The following MEMO1 variants were observed in gnomAD, a reference collection of about 807,000 sequenced individuals.
MEMO1 encodes the protein protein MEMO1.
A neutral mutation model predicts 45.2 loss-of-function variants in MEMO1; 6 were observed. The ratio of observed to expected loss-of-function variants is 0.13; its 90% CI spans 0.07 to 0.26. The LOEUF is 0.26. Among genes scored for constraint, MEMO1 ranks in the 10% least tolerant of loss-of-function variants. The pLI is 1.00. For synonymous variants in MEMO1, 78 were observed against 124.3 expected, an observed-to-expected ratio of 0.63 and a Z score of 2.48; for missense variants, 184 against 370.5, an observed-to-expected ratio of 0.50 and a Z score of 4.13.
At chr2:31,907,380 C>T (rs984281772) in intron 6 of MEMO1, among the ~76,000 whole-genome samples, 1 of 152,138 alleles carries the variant, frequency 6.6e-6, no homozygotes, top group Non-Finnish European at 1.5e-5. Flanking sequence ...CATCCTTAAA[C>T]ATAGATTAGT....
At chr2:32,008,060 T>C (rs866749349) in intron 2 of MEMO1, among the ~76,000 whole-genome samples, 2 of 152,356 alleles carry the variant, frequency 1.3e-5, no homozygotes, top group Middle Eastern at 3.4e-3. Context: ...AAGAATATAC[T>C]TAGAATTTTT....
At chr2:31,967,808 T>C (rs1668814318) in intron 2 of MEMO1, among the ~76,000 whole-genome samples, 1 of 152,174 alleles carries the variant, frequency 6.6e-6, no homozygotes, top group South Asian at 2.1e-4. Context: ...TTGTGTTTAG[T>C]GGGAGGTTTT....
intron 2 of MEMO1, among the ~76,000 whole-genome samples, chr2:31,964,131 A>C (rs1015201694): frequency 5.9e-5 from 9 of 152,216 alleles, no homozygotes; most frequent in Non-Finnish European, 7.3e-5. Flanking sequence ...TCAAATTACC[A>C]AATTGTATAA....
chr2:31,923,869 A>T, intron 4 of MEMO1: 2 of 1,123,686 alleles, frequency 1.8e-6, no homozygotes, highest in Non-Finnish European at 2.4e-6. Context: ...AATAAACACC[A>T]GAGGTCTGCT....
At chr2:31,940,524 G>C (rs542338248) in intron 3 of MEMO1, among the ~76,000 whole-genome samples, 187 of 152,244 alleles carry the variant, frequency 1.2e-3, no homozygotes, top group Non-Finnish European at 2.1e-3. Context: ...ATTCAGTCAT[G>C]ATATTTTAAA....
At chr2:31,990,578 T>C (rs1358773660) in intron 2 of MEMO1, among the ~76,000 whole-genome samples, 6 of 150,410 alleles carry the variant, frequency 4.0e-5, no homozygotes, top group Non-Finnish European at 3.0e-5. Flanking sequence ...TTTCTTTTTT[T>C]TTTTTTTTTT....
intron 2 of MEMO1, among the ~76,000 whole-genome samples, chr2:32,000,626 A>G (rs1673180364): frequency 6.6e-6 from 1 of 152,142 alleles, no homozygotes; most frequent in Non-Finnish European, 1.5e-5. Context: ...TCGGCCTCCC[A>G]AAGTGCAGGG....
chr2:32,007,030 T>C (rs1184510739), intron 2 of MEMO1, among the ~76,000 whole-genome samples: 1 of 148,860 alleles, frequency 6.7e-6, no homozygotes, highest in African/African-American at 2.5e-5. Context: ...TTTCCTAAAA[T>C]GCTATTTGCA....
At chr2:31,933,175 C>A (rs1180872159) in intron 3 of MEMO1, among the ~76,000 whole-genome samples, 3 of 150,032 alleles carry the variant, frequency 2.0e-5, no homozygotes, top group Admixed American at 2.0e-4. Context: ...TAGAAAATAG[C>A]GAGGCATGGT....
intron 8 of MEMO1, among the ~76,000 whole-genome samples, chr2:31,880,437 C>G (rs566298049): frequency 4.5e-4 from 69 of 152,338 alleles, no homozygotes; most frequent in South Asian, 6.2e-4. Context: ...AAGTAACCAA[C>G]TTTACATTCA....
At chr2:31,986,315 C>A (rs1671251964) in intron 2 of MEMO1, among the ~76,000 whole-genome samples, 1 of 151,946 alleles carries the variant, frequency 6.6e-6, no homozygotes, top group African/African-American at 2.4e-5. Context: ...AGAATACAAA[C>A]AAAAAAATTA....
chr2:31,976,406 C>T (rs755562384), intron 2 of MEMO1, among the ~76,000 whole-genome samples: 8 of 151,502 alleles, frequency 5.3e-5, no homozygotes, highest in Non-Finnish European at 8.8e-5. Flanking sequence ...GGTGAAACTC[C>T]ATCTCTACAA....
chr2:31,940,608 G>T (rs1420013364), intron 3 of MEMO1, among the ~76,000 whole-genome samples: 1 of 152,198 alleles, frequency 6.6e-6, no homozygotes, highest in Non-Finnish European at 1.5e-5. Flanking sequence ...GGTGCAAACA[G>T]ACCATAGCTC....
intron 2 of MEMO1, among the ~76,000 whole-genome samples, chr2:31,967,856 G>C (rs1253975578): frequency 6.6e-6 from 1 of 152,092 alleles, no homozygotes; most frequent in Admixed American, 6.6e-5. Context: ...TTTAAAAATT[G>C]TTTATGTAAA....
chr2:31,889,487 T>C (rs538698982), intron 7 of MEMO1, among the ~76,000 whole-genome samples: 3 of 152,202 alleles, frequency 2.0e-5, no homozygotes, highest in African/African-American at 7.2e-5. Flanking sequence ...GAGATGATAA[T>C]ATGGCACACT....
chr2:31,968,051 T>C (rs1482773977), intron 2 of MEMO1, among the ~76,000 whole-genome samples: 2 of 152,164 alleles, frequency 1.3e-5, no homozygotes, highest in African/African-American at 4.8e-5. Context: ...AAACTCACAA[T>C]GGCCAACCAA....
chr2:31,879,979 C>A (rs1482130433), intron 8 of MEMO1, among the ~76,000 whole-genome samples: 1 of 152,186 alleles, frequency 6.6e-6, no homozygotes, highest in African/African-American at 2.4e-5. Flanking sequence ...ACTCCCTTAA[C>A]ATGACACACC....
intron 5 of MEMO1, among the ~76,000 whole-genome samples, chr2:31,919,855 GGTGT>G (rs1012635626): frequency 4.0e-5 from 6 of 150,436 alleles, no homozygotes; most frequent in South Asian, 2.1e-4. Context: ...TGTGTGTCGG[GGTGT>G]GTGTGTGTGT....
chr2:31,923,308 C>T (rs6729580), intron 4 of MEMO1, among the ~76,000 whole-genome samples: 19,730 of 152,050 alleles, frequency 0.13, 1,442 homozygotes, highest in Middle Eastern at 0.2. Flanking sequence ...GCCCTCTTTT[C>T]AACTGGATTG....
Sources: allele counts gnomAD v4.1 joint callset (sites outside exome capture counted in the v4.1 genomes callset), GRCh38; gene constraint gnomAD v4.1.1; transcripts MANE v1.5; gene names NCBI Gene and HGNC (gene_info 2026-07-23, HGNC 2026-07-21).